The following MMP16 variants were observed in gnomAD, a reference collection of about 807,000 sequenced individuals.
MMP16 encodes the protein matrix metalloproteinase-16.
Under a neutral mutation model 67.8 loss-of-function variants are expected in MMP16, and 12 were observed. The observed-to-expected ratio is 0.18, with a 90% CI of 0.11 to 0.29. MMP16 has a LOEUF of 0.29. Ranked by LOEUF, MMP16 falls within the 10% of genes least tolerant of loss-of-function variation. MMP16 has a pLI of 1.00. For missense variants in MMP16, 475 were observed against 765.7 expected (o/e 0.62, Z 4.48); for synonymous variants, 249 against 255.9 (o/e 0.97, Z 0.26).
rs1808346100 is a variant in MMP16, at chr8:88,057,474, A to G, written c.1223-1196T>C. 3.3e-5 allele frequency among the ~76,000 whole-genome samples: 5 copies of G among 152,272 alleles called. No homozygotes were observed. In the South Asian group the frequency reaches 1.0e-3, roughly 32 times the overall value. On this transcript the variant is annotated intron_variant, in intron 7 of 9. Transcript: ENST00000286614. ...GTCCTCTTCTCCTGGGGCTTCTGAA[A>G]CATTCTACAATCCAGCATTGTCTTG... is the stretch of plus-strand genomic sequence containing the variant.
At chr8:88,159,960 ATTATTTTATT>A (rs969538018) in intron 4 of MMP16, among the ~76,000 whole-genome samples, 1 of 150,956 alleles carries the variant, frequency 6.6e-6, no homozygotes, top group Non-Finnish European at 1.5e-5. Context: ...TTTTTTTCAA[ATTATTTTATT>A]TTATTTTATT....
intron 4 of MMP16, among the ~76,000 whole-genome samples, chr8:88,162,171 T>C (rs1519939): frequency 0.62 from 94,868 of 151,810 alleles, 30,573 homozygotes; most frequent in African/African-American, 0.78. Context: ...CAACTGCACA[T>C]AAGGATCTAA....
chr8:88,164,769 T>C lies in MMP16; in HGVS notation c.709+2900A>G, dbSNP rs546283789. On this transcript the variant is annotated intron_variant, in intron 4 of 9. Coordinates refer to ENST00000286614, the MANE Select transcript of MMP16 (RefSeq NM_005941.5). ...TGGTCATTCGTCTATGCGTAAAGAA[T>C]GTTACACTTCCAGAGTTGTTAGGAC... 7.9e-5 allele frequency among the ~76,000 whole-genome samples: 12 copies of C among 152,000 alleles called. No individual in the cohort carries two copies. The South Asian group carries it at 2.5e-3, about 32-fold the overall frequency.
intron 4 of MMP16, among the ~76,000 whole-genome samples, chr8:88,149,053 C>T (rs570915061): frequency 1.3e-5 from 2 of 152,256 alleles, no homozygotes; most frequent in Non-Finnish European, 2.9e-5. Flanking sequence ...ACCTGGGAAG[C>T]GCAAGGGGTC....
intron 4 of MMP16, among the ~76,000 whole-genome samples, chr8:88,157,510 C>T (rs778125222): frequency 6.6e-6 from 1 of 151,716 alleles, no homozygotes; most frequent in East Asian, 2.0e-4. Context: ...GATGTTGACA[C>T]CTGAGGCAAC....
chr8:88,224,925 C>T lies in MMP16; in HGVS notation c.133-27619G>A, dbSNP rs189739380. Among the ~76,000 whole-genome samples the T allele has an allele frequency of 2.7e-3, 407 of 152,022 alleles. 4 individuals are homozygous for T. The Middle Eastern group carries it at 0.048, about 18-fold the overall frequency. On this transcript the variant is annotated intron_variant, in intron 1 of 9. Coordinates refer to ENST00000286614, the MANE Select transcript of MMP16 (RefSeq NM_005941.5). ...GTATTTTTTCCGGAATACCCATTAA[C>T]ATCTCTGAACACAATTTGAGAGAGT... is the stretch of plus-strand genomic sequence containing the variant.
chr8:88,172,648 T>A (rs1808824558), intron 3 of MMP16, among the ~76,000 whole-genome samples: 1 of 152,196 alleles, frequency 6.6e-6, no homozygotes, highest in Non-Finnish European at 1.5e-5. Context: ...AATTTAATTT[T>A]AAAATATTTT....
At chr8:88,326,667 A>G (rs1254264010) in intron 1 of MMP16, among the ~76,000 whole-genome samples, 2 of 152,212 alleles carry the variant, frequency 1.3e-5, no homozygotes, top group African/African-American at 4.8e-5. Flanking sequence ...GGCACCAAAC[A>G]CTGGGAGAAA....
intron 1 of MMP16, among the ~76,000 whole-genome samples, chr8:88,230,600 C>T (rs577294786): frequency 6.7e-6 from 1 of 150,346 alleles, no homozygotes; most frequent in African/African-American, 2.4e-5. Context: ...TCTCCCCATA[C>T]TATATATTGA....
At chr8:88,134,773 A>ATG (rs1808090691) in intron 4 of MMP16, among the ~76,000 whole-genome samples, 1 of 151,466 alleles carries the variant, frequency 6.6e-6, no homozygotes, top group African/African-American at 2.4e-5. Context: ...TTGGCTAGAC[A>ATG]TGTGTGTGAT....
intron 1 of MMP16, among the ~76,000 whole-genome samples, chr8:88,251,078 T>C (rs1461872680): frequency 6.6e-6 from 1 of 151,938 alleles, no homozygotes; most frequent in Non-Finnish European, 1.5e-5. Flanking sequence ...ATTTCCAATT[T>C]CATCCATGTC....
At chr8:88,229,827 C>T (rs928959154) in intron 1 of MMP16, among the ~76,000 whole-genome samples, 28 of 151,704 alleles carry the variant, frequency 1.8e-4, no homozygotes, top group Admixed American at 9.2e-4. Flanking sequence ...TCTAAATGAC[C>T]GAGAGAATAA....
At chr8:88,185,262 C>A (rs1367786389) in intron 3 of MMP16, among the ~76,000 whole-genome samples, 1 of 151,966 alleles carries the variant, frequency 6.6e-6, no homozygotes, top group African/African-American at 2.4e-5. Context: ...ACTTCAAGAC[C>A]AGCCTGGCTA....
chr8:88,156,937 A>G (rs961118201), intron 4 of MMP16, among the ~76,000 whole-genome samples: 2 of 152,124 alleles, frequency 1.3e-5, no homozygotes, highest in African/African-American at 2.4e-5. Context: ...TTACCAAGAG[A>G]TTCAATGTAT....
At chr8:88,246,871 C>G (rs1387784263) in intron 1 of MMP16, among the ~76,000 whole-genome samples, 1 of 152,124 alleles carries the variant, frequency 6.6e-6, no homozygotes, top group African/African-American at 2.4e-5. Flanking sequence ...TATTGTTTCT[C>G]AGAAGTCAAA....
At chr8:88,153,943 T>G (rs62525947) in intron 4 of MMP16, among the ~76,000 whole-genome samples, 91,478 of 148,022 alleles carry the variant, frequency 0.62, 29,315 homozygotes, top group African/African-American at 0.78. Flanking sequence ...TACAAAATGG[T>G]AGAAAATTTT....
Position 88,038,662 on chromosome 8 carries a change from A to T in MMP16, c.*2799T>A, listed in dbSNP as rs1808088532. 6.6e-6 allele frequency: 1 copy of T among 152,560 alleles called. No individual in the cohort carries two copies. Among genetic ancestry groups the T allele is most frequent in the East Asian group, 1.9e-4 (1 of 5,192 alleles). 9.5% of individuals were successfully genotyped at this position (152,560 alleles called of 1,614,324 possible). A position where few individuals can be genotyped will look rare whatever the true frequency, so the allele number is the denominator to read the frequency against. On this transcript the variant is annotated 3_prime_UTR_variant, in exon 10 of 10. Transcript: ENST00000286614. The surrounding 1 kb of genome is among the most constrained non-coding windows in gnomAD (Gnocchi z 4.1). ...TTCTTGACATCAAGGCCCTAAAAGG[A>T]TTAAACCCTCCCACAAGCAAACACT...
intron 1 of MMP16, among the ~76,000 whole-genome samples, chr8:88,203,069 T>A (rs1809368898): frequency 6.7e-6 from 1 of 149,582 alleles, no homozygotes. Flanking sequence ...GTGCAAAATG[T>A]CCCACTGAGA....
chr8:88,226,220 T>C (rs1312355185), intron 1 of MMP16, among the ~76,000 whole-genome samples: 2 of 152,152 alleles, frequency 1.3e-5, no homozygotes, highest in South Asian at 2.1e-4. Context: ...TGAGAATTAC[T>C]TTCTTAAATC....
Sources: allele counts gnomAD v4.1 joint callset (sites outside exome capture counted in the v4.1 genomes callset), GRCh38; gene constraint gnomAD v4.1.1; non-coding constraint Gnocchi (gnomAD v3.1); transcripts MANE v1.5; gene names NCBI Gene and HGNC (gene_info 2026-07-23, HGNC 2026-07-21).